Variants in EML1 observed in about 807,000 individuals in gnomAD.
EML1 encodes the protein echinoderm microtubule-associated protein-like 1.
Under a neutral mutation model 110.4 loss-of-function variants are expected in EML1, and 27 were observed. That is an observed-to-expected ratio of 0.24 (90% CI 0.18 to 0.34). The LOEUF is 0.34. Ranked by LOEUF, EML1 falls within the 10% of genes least tolerant of loss-of-function variation. The probability of loss-of-function intolerance (pLI) is 1.00; values close to 1 mark genes in which losing one functional copy is unlikely to be tolerated. For synonymous variants in EML1, 344 were observed against 385.8 expected (o/e 0.89, Z 1.27); for missense variants, 741 against 1,030.9 (o/e 0.72, Z 3.85).
intron 15 of EML1, among the ~76,000 whole-genome samples, chr14:99,916,031 A>G (rs1368440124): frequency 6.6e-6 from 1 of 152,252 alleles, no homozygotes; most frequent in Non-Finnish European, 1.5e-5. Flanking sequence ...ATGGCAGGAA[A>G]GGGCTAAAGG....
chr14:99,923,582 T>G (rs2060168881), intron 17 of EML1, among the ~76,000 whole-genome samples: 1 of 152,276 alleles, frequency 6.6e-6, no homozygotes, highest in African/African-American at 2.4e-5. Context: ...AATGACACTT[T>G]TGTCAAAAAT....
chr14:99,761,999 A>G (rs1302447328), intron 1 of EML1, among the ~76,000 whole-genome samples: 3 of 151,730 alleles, frequency 2.0e-5, no homozygotes, highest in Non-Finnish European at 4.4e-5. Context: ...TAGCACTTGG[A>G]TCAGCCGGAA....
chr14:99,892,177 C>T (rs920071333), intron 5 of EML1: 12 of 985,258 alleles, frequency 1.2e-5, no homozygotes, highest in South Asian at 4.7e-5. Context: ...AGGGAAACGC[C>T]GGGTGACACA....
At chr14:99,847,339 G>A (rs909495527) in intron 1 of EML1, among the ~76,000 whole-genome samples, 4 of 152,086 alleles carry the variant, frequency 2.6e-5, no homozygotes, top group African/African-American at 7.2e-5. Context: ...AATATTCTAT[G>A]TCTGTACTGG....
intron 17 of EML1, among the ~76,000 whole-genome samples, chr14:99,923,542 G>A (rs2060166737): frequency 1.9e-5 from 1 of 51,854 alleles, no homozygotes; most frequent in Admixed American, 1.8e-4. Flanking sequence ...ACTTTTTGTT[G>A]AAAACACAGT....
chr14:99,798,727 C>G (rs2057821654), intron 1 of EML1, among the ~76,000 whole-genome samples: 1 of 152,152 alleles, frequency 6.6e-6, no homozygotes, highest in African/African-American at 2.4e-5. Context: ...GTTATATAGA[C>G]TCCATTTCTT....
intron 2 of EML1, among the ~76,000 whole-genome samples, chr14:99,855,830 T>C (rs571661234): frequency 1.3e-5 from 2 of 152,348 alleles, no homozygotes; most frequent in Admixed American, 1.3e-4. Flanking sequence ...ACCAGAAGGC[T>C]TCTGTTGGGG....
intron 1 of EML1, among the ~76,000 whole-genome samples, chr14:99,755,985 C>T (rs1224895973): frequency 3.3e-5 from 5 of 152,344 alleles, no homozygotes. Context: ...CGGCAAGTGG[C>T]AGAGTGTAGC....
At chr14:99,788,480 G>C (rs1156952356), upstream of EML1, among the ~76,000 whole-genome samples, 1 of 152,152 alleles carries the variant, frequency 6.6e-6, no homozygotes, top group East Asian at 1.9e-4. Flanking sequence ...ATGGTGGTGT[G>C]TGTCTGTAGT....
chr14:99,923,422 A>G (rs565560047), intron 17 of EML1, among the ~76,000 whole-genome samples: 1 of 152,280 alleles, frequency 6.6e-6, no homozygotes, highest in African/African-American at 2.4e-5. Context: ...TCTATGATCC[A>G]TTTGAGTTAA....
In EML1 at chr14:99,911,481, T is replaced by G; in HGVS notation, c.1399T>G (p.Cys467Gly). 6.2e-7 allele frequency: 1 copy of G among 1,612,978 alleles called. No individual in the cohort carries two copies. Among genetic ancestry groups the G allele is most frequent in the Non-Finnish European group, 8.5e-7 (1 of 1,179,876 alleles). Residue 467 changes from cysteine (C) to glycine (G), a missense_variant, in exon 13 of 22, where the codon TGT becomes GGT. Physicochemically the swap from Cys to Gly is radical, Grantham distance 159. Around this residue, in one of 4 missense-constraint regions of EML1, gnomAD observed 388 missense variants for 605.6 expected, o/e 0.64. Coordinates refer to ENST00000262233, the MANE Select transcript of EML1 (RefSeq NM_004434.3). ...CCATGAGGGTGGCATTTTTGCACTT[T>G]GTATGTTAAGAGATGGCACACTGGT... is the stretch of plus-strand genomic sequence containing the variant. ...GAHEGGIFAL[C>G]MLRDGTLVSG...
chr14:99,764,719 G>C (rs1156910725), intron 1 of EML1, among the ~76,000 whole-genome samples: 1 of 152,176 alleles, frequency 6.6e-6, no homozygotes, highest in African/African-American at 2.4e-5. Flanking sequence ...GAAGCAGCAG[G>C]GTGGGCTCCA....
intron 7 of EML1, among the ~76,000 whole-genome samples, chr14:99,897,904 T>C (rs926928539): frequency 6.6e-6 from 1 of 152,220 alleles, no homozygotes; most frequent in Admixed American, 6.5e-5. Flanking sequence ...CGAAAGATGG[T>C]ATCTTTCCTA....
chr14:99,811,276 G>A (rs1291569085), intron 1 of EML1, among the ~76,000 whole-genome samples: 1 of 147,634 alleles, frequency 6.8e-6, no homozygotes, highest in Admixed American at 6.7e-5. Flanking sequence ...GACTCACTGG[G>A]CTCAAGTGAT....
rs891576299 is a variant in EML1 at position 99,939,565 on chromosome 14, C to T, written c.2322+238C>T. On this transcript the variant is annotated intron_variant, in intron 21 of 21. Coordinates refer to ENST00000262233, the MANE Select transcript of EML1 (RefSeq NM_004434.3). The surrounding 1 kb of genome is among the most constrained non-coding windows in gnomAD (Gnocchi z 4.2). Reference sequence around the variant, plus strand: ...CCACCTCTGCAGCCCCACAGGCTCACGACCCCGCCCTCCCCCACGGCTCCC... The same window carrying T: ...CCACCTCTGCAGCCCCACAGGCTCATGACCCCGCCCTCCCCCACGGCTCCC... 2.6e-5 allele frequency among the ~76,000 whole-genome samples: 4 copies of T among 152,138 alleles called. No homozygotes were observed. The highest frequency in any genetic ancestry group is 2.9e-5 in the Non-Finnish European group (2 of 68,022).
chr14:99,935,472 A>G (rs1203145788), intron 17 of EML1, among the ~76,000 whole-genome samples: 2 of 151,894 alleles, frequency 1.3e-5, no homozygotes, highest in Non-Finnish European at 2.9e-5. Context: ...CTCAAAAGAA[A>G]AAAAAAAAGA....
At chr14:99,838,835 C>T (rs1028816931) in intron 1 of EML1, among the ~76,000 whole-genome samples, 4 of 151,970 alleles carry the variant, frequency 2.6e-5, no homozygotes, top group African/African-American at 9.7e-5. Flanking sequence ...GGAAAGCTAT[C>T]AACAATCTTC....
chr14:99,882,752 CGCATGTG>C (rs1423671757), intron 4 of EML1, among the ~76,000 whole-genome samples: 2 of 151,396 alleles, frequency 1.3e-5, no homozygotes, highest in Non-Finnish European at 2.9e-5. Flanking sequence ...CGTCCTGGGC[CGCATGTG>C]GCCTGTGGGC....
At chr14:99,817,178 A>AT (rs1239594114) in intron 1 of EML1, among the ~76,000 whole-genome samples, 2 of 152,168 alleles carry the variant, frequency 1.3e-5, no homozygotes, top group South Asian at 2.1e-4. Context: ...TACTACATTC[A>AT]TTTTTTTGAG....
Sources: allele counts gnomAD v4.1 joint callset (sites outside exome capture counted in the v4.1 genomes callset), GRCh38; gene constraint gnomAD v4.1.1; regional missense constraint gnomAD v4.1.1; non-coding constraint Gnocchi (gnomAD v3.1); transcripts MANE v1.5; gene names NCBI Gene and HGNC (gene_info 2026-07-23, HGNC 2026-07-21).